The following WDR33 variants were observed in gnomAD, a reference collection of about 807,000 sequenced individuals.
The protein encoded by WDR33 is WD repeat domain 33, also known as pre-mRNA 3' end processing protein WDR33.
Under a neutral mutation model 164.9 loss-of-function variants are expected in WDR33, and 47 were observed. The ratio of observed to expected loss-of-function variants is 0.29; its 90% CI spans 0.23 to 0.36. WDR33 has a LOEUF of 0.36. Among genes scored for constraint, WDR33 ranks in the 10% least tolerant of loss-of-function variants. WDR33 has a pLI of 1.00. For synonymous variants in WDR33, 505 were observed against 589.0 expected (o/e 0.86, Z 2.06); for missense variants, 1,137 against 1,754.1 (o/e 0.65, Z 6.28).
intron 1 of WDR33, among the ~76,000 whole-genome samples, chr2:127,776,960 G>T (rs1022924050): frequency 2.6e-5 from 4 of 152,180 alleles, no homozygotes. Flanking sequence ...CTTGAGGTAT[G>T]CTAACAGAAC....
chr2:127,784,087 G>C (rs1399782177), intron 1 of WDR33, among the ~76,000 whole-genome samples: 1 of 151,834 alleles, frequency 6.6e-6, no homozygotes, highest in Non-Finnish European at 1.5e-5. Context: ...AAGTAGCATT[G>C]TTTTTCACAT....
rs2105364436 is a variant in WDR33, at chr2:127,702,207, C to G, written c.*4116G>C. On this transcript the variant is annotated 3_prime_UTR_variant, in exon 22 of 22. Coordinates refer to ENST00000322313, the MANE Select transcript of WDR33 (RefSeq NM_018383.5). ...TCGCGCCCTCGCCGCTGGGGAAGTA[C>G]GCGGAGCCAGCGCCGTCGGAGACCG... The G allele has an allele frequency of 1.7e-6, 2 of 1,210,960 alleles. No homozygotes were observed. Among genetic ancestry groups the G allele is most frequent in the African/African-American group, 1.6e-5 (1 of 63,402 alleles). The allele number at this position is 1,210,960 out of a possible 1,614,324, so 75.0% of individuals were successfully genotyped here.
chr2:127,765,007 A>G, intron 5 of WDR33, 28 bp from the exon 6 acceptor site: 2 of 1,609,420 alleles, frequency 1.2e-6, no homozygotes, highest in East Asian at 2.2e-5. Flanking sequence ...ATTAATTAGT[A>G]AGGTGCTGCT....
chr2:127,701,363 G>A lies in WDR33; in HGVS notation c.*4960C>T. ...CAGCACCTGCGACCACGGTACTTGG[G>A]GACACCACAAAAGTCCGCAGAGCAG... On this transcript the variant is annotated 3_prime_UTR_variant, in exon 22 of 22. Transcript: ENST00000322313. 1.8e-6 allele frequency: 1 copy of A among 565,400 alleles called. No individual in the cohort carries two copies. Among genetic ancestry groups the A allele is most frequent in the Non-Finnish European group, 2.6e-6 (1 of 384,872 alleles). 35.0% of individuals were successfully genotyped at this position (565,400 alleles called of 1,614,324 possible). A position where few individuals can be genotyped will look rare whatever the true frequency, so the allele number is the denominator to read the frequency against.
intron 7 of WDR33, among the ~76,000 whole-genome samples, chr2:127,743,307 A>C (rs1273547373): frequency 6.6e-6 from 1 of 152,236 alleles, no homozygotes; most frequent in African/African-American, 2.4e-5. Context: ...AATAAATTGC[A>C]AGACAAAAGT....
Position 127,701,524 on chromosome 2 carries a change from C to G in WDR33, c.*4799G>C. On this transcript the variant is annotated 3_prime_UTR_variant, in exon 22 of 22. Coordinates refer to ENST00000322313, the MANE Select transcript of WDR33 (RefSeq NM_018383.5). ...CTTTTCCTTTCTGCCACCGCCTTGTCCAAGATGGCGGACCTCCACCGCCAG... is the reference window on the plus strand; with the variant it reads ...CTTTTCCTTTCTGCCACCGCCTTGTGCAAGATGGCGGACCTCCACCGCCAG... 1.5e-6 allele frequency: 2 copies of G among 1,317,712 alleles called. No individual in the cohort carries two copies. Among genetic ancestry groups the G allele is most frequent in the Non-Finnish European group, 1.9e-6 (2 of 1,031,634 alleles). The allele number at this position is 1,317,712 out of a possible 1,614,324, so 81.6% of individuals were successfully genotyped here.
At chr2:127,715,246 G>A (rs1160044526) in intron 17 of WDR33, among the ~76,000 whole-genome samples, 4 of 151,638 alleles carry the variant, frequency 2.6e-5, no homozygotes, top group Admixed American at 6.6e-5. Context: ...TACCACGCCC[G>A]GCTAATTTTT....
chr2:127,707,265 G>A (rs1686044327), intron 21 of WDR33, among the ~76,000 whole-genome samples: 2 of 149,842 alleles, frequency 1.3e-5, no homozygotes, highest in Non-Finnish European at 3.0e-5. Context: ...GAAAGGAAAA[G>A]GAAAAAAAAT....
intron 7 of WDR33, chr2:127,736,020 A>G: frequency 2.0e-6 from 2 of 985,496 alleles, no homozygotes; most frequent in Non-Finnish European, 2.4e-6. Context: ...GCATAGAATC[A>G]TGGGTGAAGG....
At chr2:127,793,107 A>T (rs1384316376) in intron 1 of WDR33, among the ~76,000 whole-genome samples, 1 of 152,198 alleles carries the variant, frequency 6.6e-6, no homozygotes, top group Admixed American at 6.5e-5. Flanking sequence ...TTTATTTCAC[A>T]GGTAATATCT....
chr2:127,723,442 T>C lies in WDR33; in HGVS notation c.1197-95A>G. 1.0e-6 allele frequency: 1 copy of C among 961,586 alleles called. No homozygotes were observed. 59.6% of individuals were successfully genotyped at this position (961,586 alleles called of 1,614,324 possible). The stretch of plus-strand genomic sequence containing the variant: ...CAGACCCTTGGTAAACACAACACAT[T>C]TTTACAATTTGTTTCTTCTACAAAT... On this transcript the variant is annotated intron_variant, in intron 11 of 21. Coordinates refer to ENST00000322313, the MANE Select transcript of WDR33 (RefSeq NM_018383.5). The surrounding 1 kb of genome is among the most constrained non-coding windows in gnomAD (Gnocchi z 5.9).
chr2:127,774,454 G>T (rs752207124), intron 1 of WDR33, among the ~76,000 whole-genome samples: 1 of 152,098 alleles, frequency 6.6e-6, no homozygotes, highest in African/African-American at 2.4e-5. Context: ...AATGAGAATA[G>T]ATTTTTTCAC....
At chr2:127,746,514 T>C (rs1573909600) in intron 7 of WDR33, among the ~76,000 whole-genome samples, 1 of 152,234 alleles carries the variant, frequency 6.6e-6, no homozygotes, top group African/African-American at 2.4e-5. Flanking sequence ...CATCCTGCAC[T>C]GTGCAGAGTA....
intron 7 of WDR33, among the ~76,000 whole-genome samples, chr2:127,729,204 C>T (rs1323144314): frequency 1.3e-5 from 2 of 152,164 alleles, no homozygotes; most frequent in African/African-American, 2.4e-5. Context: ...GTATGTGTAG[C>T]GACTCATTTT....
At chr2:127,807,217 G>C (rs1689469912) in intron 1 of WDR33, among the ~76,000 whole-genome samples, 1 of 152,136 alleles carries the variant, frequency 6.6e-6, no homozygotes, top group African/African-American at 2.4e-5. Context: ...TGTTGGCCAG[G>C]CTGGTCTTGA....
At chr2:127,783,645 C>T (rs1475352282) in intron 1 of WDR33, among the ~76,000 whole-genome samples, 1 of 123,538 alleles carries the variant, frequency 8.1e-6, no homozygotes, top group Non-Finnish European at 1.6e-5. Context: ...CGCTCTGGTG[C>T]CCAGGCTGGA....
chr2:127,801,033 G>A (rs980886889), intron 1 of WDR33, among the ~76,000 whole-genome samples: 4 of 151,068 alleles, frequency 2.6e-5, no homozygotes, highest in Middle Eastern at 3.4e-3. Context: ...TCAGGAAGCC[G>A]AAGTGGGAAG....
At chr2:127,715,080 CTTTG>C (rs1275400989) in intron 17 of WDR33, among the ~76,000 whole-genome samples, 3 of 141,056 alleles carry the variant, frequency 2.1e-5, no homozygotes, top group Non-Finnish European at 3.1e-5. Flanking sequence ...TCTTTTCTTT[CTTTG>C]TTTCTTTTTT....
intron 7 of WDR33, 128 bp downstream of exon 7, chr2:127,762,934 C>A: frequency 6.7e-7 from 1 of 1,483,338 alleles, no homozygotes; most frequent in South Asian, 1.4e-5. Flanking sequence ...TTTTGAAGAG[C>A]CTGAGACGGT....
Sources: allele counts gnomAD v4.1 joint callset (sites outside exome capture counted in the v4.1 genomes callset), GRCh38; gene constraint gnomAD v4.1.1; non-coding constraint Gnocchi (gnomAD v3.1); transcripts MANE v1.5; gene names NCBI Gene and HGNC (gene_info 2026-07-23, HGNC 2026-07-21).